The following POU2F3 variants were observed in gnomAD, a reference collection of about 807,000 sequenced individuals.
POU2F3 encodes POU class 2 homeobox 3.
In POU2F3, 23 loss-of-function variants were observed where a neutral mutation model predicts 59.2. That is an observed-to-expected ratio of 0.39 (90% CI 0.28 to 0.55). The LOEUF (loss-of-function observed/expected upper bound fraction) is 0.55, where lower values mean the gene tolerates loss of function less well. POU2F3 is among the 20% of genes least tolerant of loss of function. The pLI, the probability that POU2F3 is intolerant of heterozygous loss-of-function variation, is 0.66. For missense variants in POU2F3, 473 were observed against 544.5 expected, an observed-to-expected ratio of 0.87 and a Z score of 1.31; for synonymous variants, 190 against 214.6, an observed-to-expected ratio of 0.89 and a Z score of 1.00.
chr11:120,255,989 T>C (rs1249331553), intron 2 of POU2F3: 2 of 152,174 alleles, frequency 1.3e-5, no homozygotes, highest in Non-Finnish European at 2.9e-5. Context: ...GGACTCATCT[T>C]TATCACAAAC....
chr11:120,287,510 C>T (rs1411885227), intron 3 of POU2F3, among the ~76,000 whole-genome samples: 1 of 152,182 alleles, frequency 6.6e-6, no homozygotes, highest in East Asian at 1.9e-4. Flanking sequence ...AGCCCTAACC[C>T]TTGAGACCTG....
At chr11:120,298,135 G>A in intron 3 of POU2F3, 130 bp from the exon 4 acceptor site, 1 of 1,205,422 alleles carries the variant, frequency 8.3e-7, no homozygotes, top group Non-Finnish European at 1.1e-6. Flanking sequence ...CTGCAGCCCA[G>A]TAGGCCCTGG....
intron 5 of POU2F3, chr11:120,302,051 T>G: frequency 2.0e-6 from 1 of 494,320 alleles, no homozygotes; most frequent in African/African-American, 1.9e-5. Flanking sequence ...AAGGACTGGT[T>G]TGGGGACTGC....
chr11:120,298,492 G>A, intron 4 of POU2F3, 102 bp downstream of exon 4: 2 of 1,493,008 alleles, frequency 1.3e-6, no homozygotes, highest in East Asian at 2.3e-5. Flanking sequence ...CCCCCTGCAG[G>A]CAATGTGGGA....
chr11:120,316,362 G>T (rs1941788524), intron 11 of POU2F3, among the ~76,000 whole-genome samples: 1 of 152,246 alleles, frequency 6.6e-6, no homozygotes, highest in Admixed American at 6.5e-5. Context: ...GAGCTGCTGA[G>T]TTGATGGCTG....
At chr11:120,283,772 CGTGTGTGTGTGTGTGTGTGTGTGTGT>C (rs36099803) in intron 3 of POU2F3, among the ~76,000 whole-genome samples, 1 of 130,354 alleles carries the variant, frequency 7.7e-6, no homozygotes, top group Non-Finnish European at 1.6e-5. Context: ...TAATAGGCTT[CGTGTGTGTGTGTGTGTGTGTGTGTGT>C]GTGTGTGTGT....
upstream of POU2F3, chr11:120,236,775 G>C (rs1315918868): frequency 2.2e-6 from 3 of 1,384,610 alleles, no homozygotes; most frequent in Non-Finnish European, 3.0e-6. Flanking sequence ...AAGTCTGAGA[G>C]AGAAGGAATA....
At chr11:120,300,101 T>G (rs1941305725) in intron 5 of POU2F3, among the ~76,000 whole-genome samples, 1 of 152,162 alleles carries the variant, frequency 6.6e-6, no homozygotes, top group African/African-American at 2.4e-5. Flanking sequence ...GGACACAGAT[T>G]CAGACTTGCT....
chr11:120,268,419 C>A (rs1939927689), intron 2 of POU2F3, among the ~76,000 whole-genome samples: 1 of 152,156 alleles, frequency 6.6e-6, no homozygotes, highest in Non-Finnish European at 1.5e-5. Context: ...GGGCTCACTG[C>A]AGCCTCTACC....
intron 3 of POU2F3, among the ~76,000 whole-genome samples, chr11:120,284,929 C>G (rs1178730917): frequency 6.6e-6 from 1 of 152,080 alleles, no homozygotes; most frequent in Non-Finnish European, 1.5e-5. Context: ...TGTGTTGACA[C>G]GTTTGTTTAT....
chr11:120,284,952 G>T (rs985430663), intron 3 of POU2F3, among the ~76,000 whole-genome samples: 1 of 152,168 alleles, frequency 6.6e-6, no homozygotes, highest in Non-Finnish European at 1.5e-5. Context: ...ATAATATAAT[G>T]TCTTTCACCC....
intron 1 of POU2F3, among the ~76,000 whole-genome samples, chr11:120,241,153 T>C (rs890521229): frequency 1.3e-5 from 2 of 152,118 alleles, no homozygotes; most frequent in Non-Finnish European, 2.9e-5. Flanking sequence ...CCTGTTAGGG[T>C]GGGCCTTCTG....
chr11:120,236,885 G>A (rs1222335596), upstream of POU2F3, among the ~76,000 whole-genome samples: 1 of 152,236 alleles, frequency 6.6e-6, no homozygotes, highest in South Asian at 2.1e-4. Context: ...AAGCAGGGAA[G>A]AGTAGAAACG....
At chr11:120,270,760 A>G (rs1017324254) in intron 3 of POU2F3, among the ~76,000 whole-genome samples, 2 of 152,102 alleles carry the variant, frequency 1.3e-5, no homozygotes, top group African/African-American at 4.8e-5. Flanking sequence ...TGGTGTAATC[A>G]CAGCTCACTG....
chr11:120,283,274 G>A (rs1940644666), intron 3 of POU2F3, among the ~76,000 whole-genome samples: 1 of 152,156 alleles, frequency 6.6e-6, no homozygotes, highest in Non-Finnish European at 1.5e-5. Context: ...GGCTATTTAG[G>A]GCACTCCCCA....
chr11:120,277,821 T>C (rs1940398189), intron 3 of POU2F3, among the ~76,000 whole-genome samples: 1 of 152,168 alleles, frequency 6.6e-6, no homozygotes, highest in Non-Finnish European at 1.5e-5. Flanking sequence ...TCAGTAATAT[T>C]GTCTAATTTG....
At chr11:120,264,657 G>C (rs1939753234) in intron 2 of POU2F3, among the ~76,000 whole-genome samples, 1 of 152,138 alleles carries the variant, frequency 6.6e-6, no homozygotes, top group Non-Finnish European at 1.5e-5. Flanking sequence ...AATTCTCACT[G>C]TATTCCTGGG....
chr11:120,247,723 T>C (rs1296775236), intron 2 of POU2F3, among the ~76,000 whole-genome samples: 4 of 152,186 alleles, frequency 2.6e-5, no homozygotes, highest in South Asian at 4.1e-4. Context: ...AGCAAGACTT[T>C]AAACTCAGTT....
chr11:120,288,477 G>A (rs532997615), intron 3 of POU2F3, among the ~76,000 whole-genome samples: 8 of 152,268 alleles, frequency 5.3e-5, no homozygotes, highest in Non-Finnish European at 7.4e-5. Context: ...TGAAAGGTAC[G>A]CTGAATTTTA....
Sources: allele counts gnomAD v4.1 joint callset (sites outside exome capture counted in the v4.1 genomes callset), GRCh38; gene constraint gnomAD v4.1.1; transcripts MANE v1.5; gene names NCBI Gene and HGNC (gene_info 2026-07-23, HGNC 2026-07-21).